PDLIM3: variants seen among roughly 807,000 people sequenced by gnomAD.
PDLIM3 encodes PDZ and LIM domain protein 3.
Under a neutral mutation model 37.3 loss-of-function variants are expected in PDLIM3, and 36 were observed. The observed-to-expected ratio is 0.97, with a 90% CI of 0.74 to 1.28. The LOEUF (loss-of-function observed/expected upper bound fraction) is 1.28, where lower values mean the gene tolerates loss of function less well. Ranked by LOEUF, PDLIM3 falls within the 50% of genes most tolerant of loss-of-function variation. The pLI, the probability that PDLIM3 is intolerant of heterozygous loss-of-function variation, is 0.00. For synonymous variants in PDLIM3, 174 were observed against 182.4 expected (o/e 0.95, Z 0.37); for missense variants, 454 against 485.0 (o/e 0.94, Z 0.60).
chr4:185,534,757 C>T (rs996112875), intron 1 of PDLIM3, among the ~76,000 whole-genome samples: 1 of 152,238 alleles, frequency 6.6e-6, no homozygotes, highest in Non-Finnish European at 1.5e-5. Context: ...CTCAAAATGC[C>T]TGGAAACTGA....
Position 185,523,679 on chromosome 4 carries a change from C to A in PDLIM3, c.246-233G>T, listed in dbSNP as rs568484933. ...TGTCAACCAGGCTGGAGTGCAGTGG[C>A]AAAATCTTGACTCACTGCAACCTCC... On this transcript the variant is annotated intron_variant, in intron 2 of 7. Coordinates refer to ENST00000284767, the MANE Select transcript of PDLIM3 (RefSeq NM_014476.6). 2.7e-3 allele frequency among the ~76,000 whole-genome samples: 389 copies of A among 146,222 alleles called. 3 individuals carry two copies. The highest frequency in any genetic ancestry group is 4.4e-3 in the Non-Finnish European group (292 of 66,774).
At chr4:185,525,263 T>G in intron 1 of PDLIM3, 92 bp from the exon 2 acceptor site, 1 of 1,250,880 alleles carries the variant, frequency 8.0e-7, no homozygotes, top group South Asian at 1.2e-5. Context: ...GGTAACATTT[T>G]AAATGTTTAA....
rs1482007705 is a variant in PDLIM3 at position 185,506,553 on chromosome 4, T to C, written c.762A>G (p.Arg254=). The change falls in exon 6 of 8, where the codon AGA becomes AGG. Residue 254 remains arginine, a synonymous_variant. Coordinates refer to ENST00000284767, the MANE Select transcript of PDLIM3 (RefSeq NM_014476.6). ...CATCGTCCACCATTCCCTGGAGCAC[T>C]CTGAAGGAGCCCGACTGGCGAGGCT... is the stretch of plus-strand genomic sequence containing the variant. ...PTQPRQSGSF[R]VLQGMVDDGS... 6.2e-7 allele frequency: 1 copy of C among 1,613,672 alleles called. No individual in the cohort carries two copies. Among genetic ancestry groups the C allele is most frequent in the East Asian group, 2.2e-5 (1 of 44,872 alleles).
At position 185,502,164 on chromosome 4, in the gene PDLIM3, A is replaced by C; in HGVS notation, c.*130T>G. 2.1e-6 allele frequency: 2 copies of C among 932,532 alleles called. No homozygotes were observed. Among genetic ancestry groups the C allele is most frequent in the Non-Finnish European group, 3.5e-6 (2 of 575,922 alleles). The allele number at this position is 932,532 out of a possible 1,614,324, so 57.8% of individuals were successfully genotyped here. A position where few individuals can be genotyped will look rare whatever the true frequency, so the allele number is the denominator to read the frequency against. Reference sequence around the variant, plus strand: ...CCTTTTCCTCAATAAACAATAGGATAAAGGTCTAAAGCCTTGACTTTAGAT... The same window carrying C: ...CCTTTTCCTCAATAAACAATAGGATCAAGGTCTAAAGCCTTGACTTTAGAT... On this transcript the variant is annotated 3_prime_UTR_variant, in exon 8 of 8. Transcript: ENST00000284767.
intron 4 of PDLIM3, among the ~76,000 whole-genome samples, chr4:185,511,773 G>A (rs757216708): frequency 1.3e-5 from 2 of 152,186 alleles, no homozygotes; most frequent in African/African-American, 2.4e-5. Context: ...AGGAGTGGAT[G>A]TGGAATGTTC....
Position 185,502,586 on chromosome 4 carries a change from T to C in PDLIM3, c.906-103A>G, listed in dbSNP as rs571900599. On this transcript the variant is annotated intron_variant, in intron 7 of 7. Transcript: ENST00000284767. ...AAGGCAGATGTTCTCTATTTCACAG[T>C]CAGGAAACAATGGCCTCCAGCTGTG... The C allele has an allele frequency of 7.7e-6, 8 of 1,038,380 alleles. No individual in the cohort carries two copies. The East Asian group carries it at 1.2e-4, about 16-fold the overall frequency. The allele number at this position is 1,038,380 out of a possible 1,614,324, so 64.3% of individuals were successfully genotyped here. A position where few individuals can be genotyped will look rare whatever the true frequency, so the allele number is the denominator to read the frequency against.
intron 1 of PDLIM3, among the ~76,000 whole-genome samples, chr4:185,525,760 G>A (rs1288084672): frequency 6.6e-6 from 1 of 152,114 alleles, no homozygotes; most frequent in Non-Finnish European, 1.5e-5. Context: ...TTATGAAAAA[G>A]GCCTCAGAGA....
At chr4:185,517,355 T>A (rs1580253131) in intron 3 of PDLIM3, 2 of 146,170 alleles carry the variant, frequency 1.4e-5, no homozygotes, top group East Asian at 3.9e-4. Flanking sequence ...AGCTTTTTTT[T>A]TTTTTTTTTT....
intron 4 of PDLIM3, chr4:185,512,093 C>CTTTTTTTTT (rs34062194): frequency 8.2e-6 from 1 of 122,276 alleles, no homozygotes; most frequent in Non-Finnish European, 1.6e-5. Context: ...TCTTATAATT[C>CTTTTTTTTT]TTTTTTTTTT....
intron 1 of PDLIM3, 152 bp from the exon 2 acceptor site, chr4:185,525,323 GT>G: frequency 2.6e-6 from 2 of 758,570 alleles, no homozygotes; most frequent in Non-Finnish European, 2.2e-6. Flanking sequence ...TAGTTGGTCA[GT>G]TGAGTTAGGT....
At chr4:185,502,945 C>T (rs571983649) in intron 7 of PDLIM3, among the ~76,000 whole-genome samples, 4 of 152,186 alleles carry the variant, frequency 2.6e-5, no homozygotes, top group East Asian at 3.9e-4. Flanking sequence ...AGATCAAAGA[C>T]GACCGGGCGT....
At chr4:185,506,440 C>G in intron 6 of PDLIM3, 82 bp downstream of exon 6, 1 of 1,560,840 alleles carries the variant, frequency 6.4e-7, no homozygotes, top group Non-Finnish European at 8.8e-7. Context: ...CTTTCATTCC[C>G]AGTATGTTTG....
intron 1 of PDLIM3, among the ~76,000 whole-genome samples, chr4:185,529,238 A>C (rs1203142757): frequency 6.6e-6 from 1 of 152,180 alleles, no homozygotes; most frequent in Non-Finnish European, 1.5e-5. Flanking sequence ...TCTCTAGGAG[A>C]GGAGCCAGGG....
rs1344119735 is a variant in PDLIM3, at chr4:185,514,901, G to A, written c.331-564C>T. ...AATGGGTTTGAATTCCTGTACAATG[G>A]CAGACAAAATACACAGCCACACAGC... On this transcript the variant is annotated intron_variant, in intron 3 of 7. Transcript: ENST00000284767. The surrounding 1 kb of genome is among the most constrained non-coding windows in gnomAD (Gnocchi z 4.0). 6.5e-7 allele frequency: 1 copy of A among 1,546,376 alleles called. No individual in the cohort carries two copies. The highest frequency in any genetic ancestry group is 1.2e-5 in the South Asian group (1 of 83,442).
intron 1 of PDLIM3, among the ~76,000 whole-genome samples, chr4:185,532,267 A>G (rs2095745848): frequency 6.6e-6 from 1 of 152,212 alleles, no homozygotes; most frequent in Non-Finnish European, 1.5e-5. Context: ...ATTCTACAAC[A>G]CATATGCTCT....
chr4:185,531,056 C>T (rs796982051), intron 1 of PDLIM3, among the ~76,000 whole-genome samples: 4 of 151,746 alleles, frequency 2.6e-5, no homozygotes, highest in African/African-American at 9.7e-5. Context: ...AGGTTTTAGG[C>T]AACCATTGGG....
chr4:185,533,720 G>A (rs530596499), intron 1 of PDLIM3, among the ~76,000 whole-genome samples: 3 of 152,112 alleles, frequency 2.0e-5, no homozygotes, highest in Non-Finnish European at 2.9e-5. Context: ...TGGAATGTAA[G>A]TACTGCTTTA....
intron 2 of PDLIM3, among the ~76,000 whole-genome samples, chr4:185,523,882 C>T (rs1344924080): frequency 9.9e-5 from 15 of 151,596 alleles, no homozygotes; most frequent in East Asian, 3.9e-4. Flanking sequence ...CCTCCCAAAG[C>T]GCTAGGATTA....
At chr4:185,518,428 TAC>T (rs1263081544) in intron 3 of PDLIM3, among the ~76,000 whole-genome samples, 3 of 151,918 alleles carry the variant, frequency 2.0e-5, no homozygotes, top group African/African-American at 4.8e-5. Flanking sequence ...TTCATAGATA[TAC>T]ACACATATAT....
Sources: allele counts gnomAD v4.1 joint callset (sites outside exome capture counted in the v4.1 genomes callset), GRCh38; gene constraint gnomAD v4.1.1; non-coding constraint Gnocchi (gnomAD v3.1); transcripts MANE v1.5; gene names NCBI Gene and HGNC (gene_info 2026-07-23, HGNC 2026-07-21).